Variants in DLG5 observed in about 807,000 individuals in gnomAD.
DLG5 encodes discs large MAGUK scaffold protein 5, also known as disks large homolog 5.
DLG5 carries 48 observed loss-of-function variants against 189.8 expected under a neutral mutation model. The ratio of observed to expected loss-of-function variants is 0.25; its 90% CI spans 0.20 to 0.32. The LOEUF is 0.32. DLG5 is among the 10% of genes least tolerant of loss of function. DLG5 has a pLI of 1.00. For missense variants in DLG5, 2,160 were observed against 2,544.7 expected, an observed-to-expected ratio of 0.85 and a Z score of 3.25; for synonymous variants, 1,016 against 1,054.1, an observed-to-expected ratio of 0.96 and a Z score of 0.70.
intron 2 of DLG5, among the ~76,000 whole-genome samples, chr10:77,863,844 C>T (rs1844567621): frequency 6.6e-6 from 1 of 152,186 alleles, no homozygotes; most frequent in Non-Finnish European, 1.5e-5. Context: ...AGACAAAGAG[C>T]AGCCAGCCCT....
intron 22 of DLG5, among the ~76,000 whole-genome samples, chr10:77,811,664 G>C (rs976919539): frequency 3.3e-5 from 5 of 152,044 alleles, no homozygotes; most frequent in Admixed American, 3.3e-4. Context: ...CCACCCCCGG[G>C]GCCACAACTC....
In DLG5 at chr10:77,861,023, C is replaced by T. The variant is rs1162287182; in HGVS notation, c.374-4131G>A. On this transcript the variant is annotated intron_variant, in intron 2 of 31. Transcript: ENST00000372391. ...CTTTCCATTACAAAACAAAGCAATG[C>T]GGCAGGAACAGCATCATTGCTTTGC... Among the ~76,000 whole-genome samples, 9 of 152,082 alleles carry T rather than the reference C, an allele frequency of 5.9e-5. No individual in the cohort carries two copies. The East Asian group carries it at 7.7e-4, about 13-fold the overall frequency.
At chr10:77,803,034 A>G (rs1362795830) in intron 27 of DLG5, among the ~76,000 whole-genome samples, 1 of 152,210 alleles carries the variant, frequency 6.6e-6, no homozygotes, top group African/African-American at 2.4e-5. Flanking sequence ...CAGTAAGTCA[A>G]AGGTGCACAC....
chr10:77,898,872 G>C (rs1047963675), intron 1 of DLG5, among the ~76,000 whole-genome samples: 1 of 152,192 alleles, frequency 6.6e-6, no homozygotes, highest in African/African-American at 2.4e-5. Context: ...AGTCACCCAC[G>C]CCGGGACGGG....
upstream of DLG5, among the ~76,000 whole-genome samples, chr10:77,930,014 C>T (rs1846771518): frequency 6.6e-6 from 1 of 152,182 alleles, no homozygotes; most frequent in Non-Finnish European, 1.5e-5. Context: ...CCCACCTTTC[C>T]TACTTTCTTC....
intron 1 of DLG5, among the ~76,000 whole-genome samples, chr10:77,885,854 T>G (rs1845420581): frequency 6.6e-6 from 1 of 152,190 alleles, no homozygotes; most frequent in South Asian, 2.1e-4. Flanking sequence ...CACAGCAAGC[T>G]GGTGCCAGTG....
chr10:77,844,243 G>T (rs958670191), intron 5 of DLG5, among the ~76,000 whole-genome samples: 1 of 152,154 alleles, frequency 6.6e-6, no homozygotes, highest in Admixed American at 6.5e-5. Context: ...GTGGAGGCCA[G>T]CACTTCTTGT....
rs758315579 is a variant in DLG5 at position 77,830,802 on chromosome 10, G to A, written c.1820C>T (p.Ser607Leu). The change falls in exon 10 of 32, where the codon TCG becomes TTG. Residue 607 changes from serine (S) to leucine (L), a missense_variant. Physicochemically the swap from Ser to Leu is moderately radical, Grantham distance 145. Transcript: ENST00000372391. Reference sequence around the variant, plus strand: ...CTCCATGGAATCCGTGTCAATGGCCGAGTCGTGGGAGCTGTGGGCCATCAG... The same window carrying A: ...CTCCATGGAATCCGTGTCAATGGCCAAGTCGTGGGAGCTGTGGGCCATCAG... ...RQLMAHSSHD[S>L]AIDTDSMEWE... 3.7e-6 allele frequency: 6 copies of A among 1,614,158 alleles called. No individual in the cohort carries two copies. Among genetic ancestry groups the A allele is most frequent in the Non-Finnish European group, 3.4e-6 (4 of 1,180,032 alleles).
At chr10:77,882,831 G>A (rs1157506017) in intron 1 of DLG5, among the ~76,000 whole-genome samples, 1 of 150,748 alleles carries the variant, frequency 6.6e-6, no homozygotes, top group Non-Finnish European at 1.5e-5. Flanking sequence ...GGTGAGGCAC[G>A]AGAACCTGGG....
chr10:77,870,534 A>G (rs1844854905), intron 1 of DLG5, among the ~76,000 whole-genome samples: 1 of 152,136 alleles, frequency 6.6e-6, no homozygotes, highest in South Asian at 2.1e-4. Flanking sequence ...AATACAAAAA[A>G]TTAGCTGGGC....
rs530491675 is a variant in DLG5 at position 77,821,982 on chromosome 10, G to A, written c.2502C>T (p.Asn834=). The stretch of plus-strand genomic sequence containing the variant: ...GCGTGGAGTTATTGTGCTGTATCAA[G>A]TTCCGTTTGTTATGAGCCTGGACCT... ...GPEVQAHNKR[N]LIQHNNSTQT... is the part of the protein sequence containing the mutation. Residue 834 remains asparagine (N), a synonymous_variant, in exon 15 of 32, where the codon AAC becomes AAT. Coordinates refer to ENST00000372391, the MANE Select transcript of DLG5 (RefSeq NM_004747.4). The A allele has an allele frequency of 1.9e-6, 3 of 1,614,260 alleles. No homozygotes were observed. In the South Asian group the frequency reaches 3.3e-5, roughly 18 times the overall value.
chr10:77,894,559 T>TG (rs1845703644), intron 1 of DLG5, among the ~76,000 whole-genome samples: 1 of 150,262 alleles, frequency 6.7e-6, no homozygotes, highest in Admixed American at 6.6e-5. Context: ...TTTTTTTTTT[T>TG]TTTTTGATGG....
At chr10:77,892,962 C>G (rs1053687768) in intron 1 of DLG5, among the ~76,000 whole-genome samples, 1 of 152,252 alleles carries the variant, frequency 6.6e-6, no homozygotes, top group African/African-American at 2.4e-5. Context: ...TACTGGGTCA[C>G]TGGGAGAATG....
chr10:77,806,161 A>G (rs1043182287), intron 26 of DLG5: 3 of 391,218 alleles, frequency 7.7e-6, no homozygotes, highest in African/African-American at 6.1e-5. Flanking sequence ...TGACATGACG[A>G]GTTACGCTTC....
rs369824816 is a variant in DLG5, at chr10:77,918,237, C to T, written c.304+7980G>A. 9.9e-5 allele frequency among the ~76,000 whole-genome samples: 15 copies of T among 151,942 alleles called. No individual in the cohort carries two copies. In the East Asian group the frequency reaches 1.7e-3, roughly 18 times the overall value. On this transcript the variant is annotated intron_variant, in intron 1 of 31. Transcript: ENST00000372391. Reference sequence around the variant, plus strand: ...ACCAGCCTGGCCAACATGGGGAAACCTTGTCTCTACTAAAAATACAAAAAA... The same window carrying T: ...ACCAGCCTGGCCAACATGGGGAAACTTTGTCTCTACTAAAAATACAAAAAA...
chr10:77,919,438 C>A (rs1360728097), intron 1 of DLG5, among the ~76,000 whole-genome samples: 2 of 151,576 alleles, frequency 1.3e-5, no homozygotes, highest in Admixed American at 1.3e-4. Flanking sequence ...CAAAACCCCA[C>A]AGGAATGAGC....
At chr10:77,800,491 G>A (rs909155657) in intron 27 of DLG5, among the ~76,000 whole-genome samples, 2 of 150,474 alleles carry the variant, frequency 1.3e-5, no homozygotes, top group African/African-American at 2.5e-5. Context: ...ACCCAGGCAC[G>A]GGGCCGCCGC....
At chr10:77,934,137 G>A in the DLG5 span, among the ~76,000 whole-genome samples, 5 of 152,132 alleles carry the variant, frequency 3.3e-5, no homozygotes, top group South Asian at 2.1e-4. Context: ...TTGGGAGGCC[G>A]AGGTGGGTGG....
intron 1 of DLG5, among the ~76,000 whole-genome samples, chr10:77,897,037 A>C (rs998328006): frequency 6.6e-6 from 1 of 151,270 alleles, no homozygotes; most frequent in African/African-American, 2.4e-5. Flanking sequence ...TTTGTTGCTT[A>C]CTGCAGGAAA....
Sources: gnomAD v4.1 joint callset for allele counts (sites outside exome capture counted in the v4.1 genomes callset) on GRCh38, gnomAD v4.1.1 for gene constraint, MANE v1.5 for transcripts, NCBI Gene and HGNC (gene_info 2026-07-23, HGNC 2026-07-21) for gene names.